The following FAM120A variants were observed in gnomAD, a reference collection of about 807,000 sequenced individuals.
The protein encoded by FAM120A is constitutive coactivator of PPAR-gamma-like protein 1.
In FAM120A, 15 loss-of-function variants were observed where a neutral mutation model predicts 109.7. That is an observed-to-expected ratio of 0.14 (90% CI 0.09 to 0.21). FAM120A has a LOEUF of 0.21. FAM120A is among the 10% of genes least tolerant of loss of function. FAM120A has a pLI of 1.00. For synonymous variants in FAM120A, 493 were observed against 572.8 expected (o/e 0.86, Z 1.99); for missense variants, 899 against 1,439.3 (o/e 0.62, Z 6.07).
In FAM120A at chr9:93,514,676, A is replaced by G. The variant is rs757865244; in HGVS notation, c.1031-991A>G. ...GAGGGAGTGCAGCTCCTAGAGGTCC[A>G]TGTCCCATGTCCTCCTGCTTCCTGC... On this transcript the variant is annotated intron_variant, in intron 5 of 17. Transcript: ENST00000277165. Among the ~76,000 whole-genome samples, 4 of 152,298 alleles carry G rather than the reference A, an allele frequency of 2.6e-5. No homozygotes were observed. In the East Asian group the frequency reaches 7.7e-4, roughly 29 times the overall value.
chr9:93,459,727 G>C (rs796641919), intron 1 of FAM120A, among the ~76,000 whole-genome samples: 8 of 140,720 alleles, frequency 5.7e-5, no homozygotes, highest in African/African-American at 2.4e-4. Context: ...GCAGTGCCTG[G>C]AGGCATTTTT....
intron 3 of FAM120A, among the ~76,000 whole-genome samples, chr9:93,476,579 C>A (rs1316963405): frequency 6.6e-6 from 1 of 152,082 alleles, no homozygotes; most frequent in African/African-American, 2.4e-5. Context: ...TTAAGGAATT[C>A]TTTGTGCTGT....
intron 10 of FAM120A, among the ~76,000 whole-genome samples, chr9:93,542,407 C>T (rs1217446665): frequency 6.6e-6 from 1 of 152,080 alleles, no homozygotes; most frequent in Non-Finnish European, 1.5e-5. Context: ...GTTTTATTTC[C>T]TTGTCATTGT....
intron 10 of FAM120A, among the ~76,000 whole-genome samples, chr9:93,541,077 T>TA (rs1554784095): frequency 3.3e-5 from 5 of 150,098 alleles, no homozygotes; most frequent in Admixed American, 3.3e-4. Context: ...ATGTGTGTGG[T>TA]GGGGGGTGTG....
chr9:93,480,946 G>A (rs1000896736), intron 3 of FAM120A, among the ~76,000 whole-genome samples: 1 of 152,232 alleles, frequency 6.6e-6, no homozygotes, highest in African/African-American at 2.4e-5. Context: ...AGAAATGGAA[G>A]GCGTCAGGCA....
In FAM120A at chr9:93,557,979, A is replaced by T; in HGVS notation, c.2637A>T (p.Pro879=). ...SAYPRHFGPV[P]PSQGRGRGFA... ...ACCCCCGGCACTTTGGGCCTGTCCC[A>T]CCCTCTCAGGGCAGGGGCAGAGGCT... is the stretch of plus-strand genomic sequence containing the variant. The change falls in exon 14 of 18, where the codon CCA becomes CCT. Residue 879 remains proline, a synonymous_variant. Transcript: ENST00000277165. The T allele has an allele frequency of 6.2e-7, 1 of 1,601,528 alleles. No individual in the cohort carries two copies. The highest frequency in any genetic ancestry group is 8.5e-7 in the Non-Finnish European group (1 of 1,179,342).
chr9:93,522,812 C>T (rs1471131741), intron 7 of FAM120A, among the ~76,000 whole-genome samples: 1 of 152,176 alleles, frequency 6.6e-6, no homozygotes, highest in Non-Finnish European at 1.5e-5. Context: ...GTATCCCCCT[C>T]CCCTGTTAAT....
At chr9:93,461,613 TATC>T (rs1485594155) in intron 1 of FAM120A, among the ~76,000 whole-genome samples, 1 of 152,200 alleles carries the variant, frequency 6.6e-6, no homozygotes, top group Non-Finnish European at 1.5e-5. Flanking sequence ...TTCTTCCTTT[TATC>T]ATTGTATTTT....
chr9:93,512,943 G>A (rs1002005282), intron 5 of FAM120A, among the ~76,000 whole-genome samples: 1 of 152,166 alleles, frequency 6.6e-6, no homozygotes, highest in Non-Finnish European at 1.5e-5. Context: ...TAGTTTGTTT[G>A]TTTGCTTTAA....
At chr9:93,521,673 C>T (rs1860851933) in intron 7 of FAM120A, among the ~76,000 whole-genome samples, 1 of 151,990 alleles carries the variant, frequency 6.6e-6, no homozygotes. Flanking sequence ...AACAGTAGAG[C>T]AGTACCAGCA....
chr9:93,557,809 C>G lies in FAM120A; in HGVS notation c.2485-18C>G. On this transcript the variant is annotated intron_variant, in intron 13 of 17. Coordinates refer to ENST00000277165, the MANE Select transcript of FAM120A (RefSeq NM_014612.5). Reference sequence around the variant, plus strand: ...CCCCTGTGGATGGCATTTTCACATGCTGGTCCTTGTCTTCCAGGCTGATCA... The same window carrying G: ...CCCCTGTGGATGGCATTTTCACATGGTGGTCCTTGTCTTCCAGGCTGATCA... 1 of 1,607,362 alleles carries G rather than the reference C, an allele frequency of 6.2e-7. No homozygotes were observed. Among genetic ancestry groups the G allele is most frequent in the Non-Finnish European group, 8.5e-7 (1 of 1,175,722 alleles).
Position 93,557,962 on chromosome 9 carries a change from C to T in FAM120A, c.2620C>T (p.His874Tyr), listed in dbSNP as rs1862349160. 1 of 1,604,120 alleles carries T rather than the reference C, an allele frequency of 6.2e-7. No individual in the cohort carries two copies. Among genetic ancestry groups the T allele is most frequent in the African/African-American group, 1.3e-5 (1 of 74,946 alleles). Residue 874 changes from histidine (H) to tyrosine (Y), a missense_variant, in exon 14 of 18, where the codon CAC (histidine) becomes TAC (tyrosine). By Grantham distance (83) the His-to-Tyr change is moderately conservative (BLOSUM62 2). Coordinates refer to ENST00000277165, the MANE Select transcript of FAM120A (RefSeq NM_014612.5). ...CTACCCTGCCTCTGCGTACCCCCGG[C>T]ACTTTGGGCCTGTCCCACCCTCTCA... ...PFYPASAYPRHFGPVPPSQGR... is the reference protein window; with the variant it reads ...PFYPASAYPRYFGPVPPSQGR...
rs543751378 is a variant in FAM120A at position 93,452,698 on chromosome 9, A to C, written c.474+309A>C. ...CAGTGTCATCATCCCCAATATCCTT[A>C]GTTTTTCCCATCCTATTTGAGGCGG... On this transcript the variant is annotated intron_variant, in intron 1 of 17. Transcript: ENST00000277165. This position sits in a 1 kb window ranked among gnomAD's most constrained non-coding sequence, Gnocchi z 7.0. The C allele has an allele frequency of 2.5e-6, 4 of 1,598,534 alleles. No homozygotes were observed. In the African/African-American group the frequency reaches 5.3e-5, roughly 21 times the overall value.
chr9:93,538,731 T>C (rs565361761), intron 10 of FAM120A, among the ~76,000 whole-genome samples: 2 of 152,330 alleles, frequency 1.3e-5, no homozygotes, highest in South Asian at 4.1e-4. Flanking sequence ...CAAGTTGGGA[T>C]TGGCTTACAA....
chr9:93,527,130 G>C, intron 7 of FAM120A, 25 bp from the exon 8 acceptor site: 1 of 1,603,330 alleles, frequency 6.2e-7, no homozygotes, highest in Non-Finnish European at 8.5e-7. Flanking sequence ...TGATTGGACA[G>C]TAATCATGTT....
chr9:93,457,976 A>G (rs1564303961), intron 1 of FAM120A, among the ~76,000 whole-genome samples: 1 of 152,072 alleles, frequency 6.6e-6, no homozygotes, highest in South Asian at 2.1e-4. Flanking sequence ...TATATTCTTC[A>G]TTATATACTT....
intron 11 of FAM120A, among the ~76,000 whole-genome samples, chr9:93,548,482 G>A (rs1861973927): frequency 6.6e-6 from 1 of 152,146 alleles, no homozygotes; most frequent in Non-Finnish European, 1.5e-5. Context: ...GAAGATGAAA[G>A]GAGTTCTGTG....
chr9:93,555,675 C>T (rs921922838), intron 12 of FAM120A, among the ~76,000 whole-genome samples: 6 of 152,122 alleles, frequency 3.9e-5, no homozygotes, highest in African/African-American at 7.2e-5. Context: ...GTGGGCTCTA[C>T]GTATAGAAGG....
chr9:93,523,321 A>G (rs1026046500), intron 7 of FAM120A: 27 of 1,289,428 alleles, frequency 2.1e-5, no homozygotes, highest in Admixed American at 6.9e-5. Flanking sequence ...GTGTTTCACA[A>G]AGAGAATTCC....
Sources: gnomAD v4.1 joint callset for allele counts (sites outside exome capture counted in the v4.1 genomes callset) on GRCh38, gnomAD v4.1.1 for gene constraint, Gnocchi (gnomAD v3.1) non-coding constraint, MANE v1.5 for transcripts, NCBI Gene and HGNC (gene_info 2026-07-23, HGNC 2026-07-21) for gene names.